EFNA5: variants seen among roughly 807,000 people sequenced by gnomAD.
The protein encoded by EFNA5 is ephrin A5, also known as ephrin-A5.
Under a neutral mutation model 22.9 loss-of-function variants are expected in EFNA5, and 5 were observed. That is an observed-to-expected ratio of 0.22 (90% CI 0.11 to 0.46). The LOEUF is 0.46. Ranked by LOEUF, EFNA5 falls within the 20% of genes least tolerant of loss-of-function variation. The pLI is 0.99. For missense variants in EFNA5, 237 were observed against 293.3 expected (o/e 0.81, Z 1.40); for synonymous variants, 113 against 112.2 (o/e 1.01, Z -0.04).
chr5:107,569,098 AC>A (rs1019184636), intron 1 of EFNA5, among the ~76,000 whole-genome samples: 16 of 151,960 alleles, frequency 1.1e-4, no homozygotes, highest in Non-Finnish European at 7.4e-5. Context: ...TAGCATATTA[AC>A]CCCCAGATGA....
At chr5:107,391,938 G>A (rs1331849932) in intron 2 of EFNA5, among the ~76,000 whole-genome samples, 1 of 152,138 alleles carries the variant, frequency 6.6e-6, no homozygotes, top group Non-Finnish European at 1.5e-5. Context: ...GCTCTAACTT[G>A]AGCCTTCCCA....
chr5:107,667,099 ATTAT>A (rs1391579335), intron 1 of EFNA5, among the ~76,000 whole-genome samples: 1 of 152,084 alleles, frequency 6.6e-6, no homozygotes, highest in Non-Finnish European at 1.5e-5. Flanking sequence ...GGATGATTTG[ATTAT>A]TTACACTTTT....
chr5:107,537,911 C>T (rs1003173344), intron 1 of EFNA5, among the ~76,000 whole-genome samples: 3 of 152,136 alleles, frequency 2.0e-5, no homozygotes, highest in Admixed American at 6.5e-5. Flanking sequence ...AAATGATTAG[C>T]ACATAATACA....
intron 2 of EFNA5, among the ~76,000 whole-genome samples, chr5:107,389,638 T>G (rs1466666580): frequency 6.6e-6 from 1 of 152,222 alleles, no homozygotes; most frequent in Non-Finnish European, 1.5e-5. Context: ...TACAGGTCTT[T>G]CAGATTTTTC....
intron 1 of EFNA5, among the ~76,000 whole-genome samples, chr5:107,482,870 C>CTATATATA (rs72399506): frequency 2.9e-4 from 17 of 59,102 alleles, no homozygotes; most frequent in African/African-American, 1.2e-3. Flanking sequence ...CTCTCTCTCT[C>CTATATATA]TATATATATA....
chr5:107,621,033 A>G (rs1291302594), intron 1 of EFNA5, among the ~76,000 whole-genome samples: 2 of 152,204 alleles, frequency 1.3e-5, no homozygotes, highest in African/African-American at 4.8e-5. Flanking sequence ...TGGGAGGACA[A>G]TGGTAAATAT....
chr5:107,546,842 G>A (rs1748169566), intron 1 of EFNA5, among the ~76,000 whole-genome samples: 1 of 151,974 alleles, frequency 6.6e-6, no homozygotes, highest in Non-Finnish European at 1.5e-5. Flanking sequence ...TTGAGATCCG[G>A]TCATGTGACT....
chr5:107,542,336 C>T (rs1354446656), intron 1 of EFNA5, among the ~76,000 whole-genome samples: 2 of 152,122 alleles, frequency 1.3e-5, no homozygotes, highest in Non-Finnish European at 2.9e-5. Flanking sequence ...TTTCTCTGGT[C>T]CTATAGGCAC....
At chr5:107,518,285 AAAAGTG>A (rs1747524765) in intron 1 of EFNA5, among the ~76,000 whole-genome samples, 2 of 152,078 alleles carry the variant, frequency 1.3e-5, no homozygotes, top group African/African-American at 4.8e-5. Flanking sequence ...AAAAAAAAAA[AAAAGTG>A]AATAAAAAGC....
chr5:107,632,569 T>C (rs1750278731), intron 1 of EFNA5, among the ~76,000 whole-genome samples: 1 of 152,210 alleles, frequency 6.6e-6, no homozygotes, highest in Non-Finnish European at 1.5e-5. Flanking sequence ...CCGTCTTCCT[T>C]GTTCTTCTCT....
Position 107,427,179 on chromosome 5 carries a change from C to G in EFNA5, c.418+38G>C. 4.3e-6 allele frequency: 7 copies of G among 1,611,402 alleles called. No homozygotes were observed. The South Asian group carries it at 6.6e-5, about 15-fold the overall frequency. On this transcript the variant is annotated intron_variant, in intron 2 of 4. Coordinates refer to ENST00000333274, the MANE Select transcript of EFNA5 (RefSeq NM_001962.3). ...GGTAAAAAATTAGTCTGGGTTCTTGCAGCTGCCCTACAACACGATAAATCT... is the reference window on the plus strand; with the variant it reads ...GGTAAAAAATTAGTCTGGGTTCTTGGAGCTGCCCTACAACACGATAAATCT...
At chr5:107,538,397 A>C (rs1042172140) in intron 1 of EFNA5, among the ~76,000 whole-genome samples, 2 of 152,234 alleles carry the variant, frequency 1.3e-5, no homozygotes, top group East Asian at 3.8e-4. Context: ...ACAAGTACAA[A>C]GCACTGTTTA....
chr5:107,597,057 C>T (rs1443845424), intron 1 of EFNA5, among the ~76,000 whole-genome samples: 1 of 152,166 alleles, frequency 6.6e-6, no homozygotes, highest in African/African-American at 2.4e-5. Flanking sequence ...GTTTAAAACA[C>T]TCATTTCTTT....
chr5:107,594,363 G>A (rs1749433252), intron 1 of EFNA5, among the ~76,000 whole-genome samples: 1 of 152,064 alleles, frequency 6.6e-6, no homozygotes, highest in Non-Finnish European at 1.5e-5. Flanking sequence ...GTGGTACTGA[G>A]AGGCACAGAG....
chr5:107,620,876 C>T (rs1750019138), intron 1 of EFNA5, among the ~76,000 whole-genome samples: 1 of 152,068 alleles, frequency 6.6e-6, no homozygotes, highest in South Asian at 2.1e-4. Context: ...ACTAATGTGA[C>T]CTGAGAACTG....
chr5:107,398,013 C>A (rs940476717), intron 2 of EFNA5, among the ~76,000 whole-genome samples: 6 of 152,092 alleles, frequency 3.9e-5, no homozygotes, highest in Admixed American at 6.6e-5. Context: ...ATAATCTGGT[C>A]CCAACCTTAT....
chr5:107,445,184 G>A (rs181608235), intron 1 of EFNA5, among the ~76,000 whole-genome samples: 261 of 152,028 alleles, frequency 1.7e-3, no homozygotes, highest in Middle Eastern at 6.8e-3. Flanking sequence ...CGTCACACTC[G>A]GCTAATTTTT....
chr5:107,382,584 G>A (rs1290356680), intron 4 of EFNA5, among the ~76,000 whole-genome samples: 2 of 152,008 alleles, frequency 1.3e-5, no homozygotes, highest in South Asian at 2.1e-4. Flanking sequence ...TGCTTCCCAG[G>A]CTAGTCTCAA....
chr5:107,657,185 A>C (rs1317662717), intron 1 of EFNA5, among the ~76,000 whole-genome samples: 1 of 152,118 alleles, frequency 6.6e-6, no homozygotes, highest in Admixed American at 6.6e-5. Context: ...TGGAGGTGAA[A>C]AACAGTATTA....
Sources: allele counts gnomAD v4.1 joint callset (sites outside exome capture counted in the v4.1 genomes callset), GRCh38; gene constraint gnomAD v4.1.1; transcripts MANE v1.5; gene names NCBI Gene and HGNC (gene_info 2026-07-23, HGNC 2026-07-21).